Variants in PARP2 observed in about 807,000 individuals in gnomAD.
PARP2 encodes the protein poly [ADP-ribose] polymerase 2.
In PARP2, 57 loss-of-function variants were observed where a neutral mutation model predicts 77.8. The observed-to-expected ratio is 0.73, with a 90% CI of 0.59 to 0.91. PARP2 has a LOEUF of 0.91. Among genes scored for constraint, PARP2 ranks in the 40% least tolerant of loss-of-function variants. The pLI is 0.00. For synonymous variants in PARP2, 226 were observed against 242.6 expected (o/e 0.93, Z 0.64); for missense variants, 651 against 689.0 (o/e 0.94, Z 0.62).
chr14:20,356,028 C>T lies in PARP2; in HGVS notation c.1098C>T (p.Phe366=). ...LRPLDHESYE[F]KVISQYLQST... ...CCCTTGACCATGAAAGTTATGAGTT[C>T]AAAGTAAGAAAAATGATCATTTATT... Residue 366 remains phenylalanine (F), a synonymous_variant, in exon 11 of 16, where the codon TTC becomes TTT. Transcript: ENST00000429687. 1 of 1,612,942 alleles carries T rather than the reference C, an allele frequency of 6.2e-7. No individual in the cohort carries two copies. Among genetic ancestry groups the T allele is most frequent in the Non-Finnish European group, 8.5e-7 (1 of 1,179,626 alleles).
chr14:20,350,479 C>G (rs762213381), intron 4 of PARP2, 47 bp from the exon 5 acceptor site: 13 of 980,936 alleles, frequency 1.3e-5, no homozygotes, highest in Non-Finnish European at 2.1e-5. Context: ...TATGTGATTT[C>G]CATTTGCAAA....
chr14:20,355,710 A>G lies in PARP2; in HGVS notation c.903-42A>G, dbSNP rs372446856. 3.3e-4 allele frequency: 492 copies of G among 1,508,212 alleles called. 3 individuals carry two copies. The highest frequency in any genetic ancestry group is 6.7e-4 in the South Asian group (59 of 88,632). 93.4% of individuals were successfully genotyped at this position (1,508,212 alleles called of 1,614,324 possible). On this transcript the variant is annotated intron_variant, in intron 9 of 15. Transcript: ENST00000429687. The stretch of plus-strand genomic sequence containing the variant: ...ATTTTTAGTCATGCGCCTTTTAGCC[A>G]CATGTCAGAAAGCTCATTATGGGTT...
intron 4 of PARP2, among the ~76,000 whole-genome samples, chr14:20,347,264 T>TC (rs1883760871): frequency 1.4e-5 from 2 of 145,602 alleles, no homozygotes; most frequent in South Asian, 4.4e-4. Context: ...ACTCGTGACT[T>TC]CAAGTGATCC....
intron 7 of PARP2, 173 bp downstream of exon 7, chr14:20,352,520 C>T (rs1883994529): frequency 2.2e-6 from 1 of 451,570 alleles, no homozygotes; most frequent in East Asian, 3.5e-5. Context: ...GTATCAGGAA[C>T]TACAGGCACG....
intron 9 of PARP2, 142 bp downstream of exon 9, chr14:20,355,089 A>G: frequency 4.1e-6 from 3 of 737,976 alleles, no homozygotes; most frequent in Non-Finnish European, 6.6e-6. Context: ...AATGATATAT[A>G]GGTAGCCTAT....
In PARP2 at chr14:20,354,226, A is replaced by G; in HGVS notation, c.742A>G (p.Asn248Asp). ...AGAAATGATGATGGAAATGAAGTATAATACCAAGAAAGCCCCACTTGGTAG... is the reference window on the plus strand; with the variant it reads ...AGAAATGATGATGGAAATGAAGTATGATACCAAGAAAGCCCCACTTGGTAG... Reference protein sequence around the residue: ...MEEMMMEMKYNTKKAPLGKLT... With the variant: ...MEEMMMEMKYDTKKAPLGKLT... Residue 248 changes from asparagine (N) to aspartate (D), a missense_variant, in exon 8 of 16, where the codon AAT becomes GAT. Asn to Asp is a conservative substitution (Grantham distance 23, BLOSUM62 1). Coordinates refer to ENST00000429687, the MANE Select transcript of PARP2 (RefSeq NM_001042618.2). 1 of 1,613,484 alleles carries G rather than the reference A, an allele frequency of 6.2e-7. No individual in the cohort carries two copies. Among genetic ancestry groups the G allele is most frequent in the South Asian group, 1.1e-5 (1 of 90,890 alleles).
At chr14:20,344,796 G>A in intron 1 of PARP2, 136 bp from the exon 2 acceptor site, 1 of 649,656 alleles carries the variant, frequency 1.5e-6, no homozygotes, top group Non-Finnish European at 2.7e-6. Flanking sequence ...CTGGGCGAGA[G>A]AGTGAGACTC....
Position 20,352,432 on chromosome 14 carries a change from G to A in PARP2, c.600+85G>A. 5 of 781,374 alleles carry A rather than the reference G, an allele frequency of 6.4e-6. No individual in the cohort carries two copies. The South Asian group carries it at 8.9e-5, about 14-fold the overall frequency. 48.4% of individuals were successfully genotyped at this position (781,374 alleles called of 1,614,324 possible). On this transcript the variant is annotated intron_variant, in intron 7 of 15. Coordinates refer to ENST00000429687, the MANE Select transcript of PARP2 (RefSeq NM_001042618.2). ...AGGCAAAACTGTGCTCTGTTGCCCA[G>A]GCTGGGTGGCACAATCATGGCTCAC...
At chr14:20,353,467 TCTC>T (rs1218597628) in intron 7 of PARP2, among the ~76,000 whole-genome samples, 1 of 151,910 alleles carries the variant, frequency 6.6e-6, no homozygotes, top group Non-Finnish European at 1.5e-5. Flanking sequence ...ATGGTCTCGA[TCTC>T]CTGACATCAT....
intron 7 of PARP2, chr14:20,352,558 C>CATTTTTTTTTT: frequency 4.7e-6 from 1 of 214,140 alleles, no homozygotes; most frequent in African/African-American, 3.0e-5. Context: ...GATTTTTTTT[C>CATTTTTTTTTT]TTTTTTTTTT....
At chr14:20,348,090 T>G (rs1883834128) in intron 4 of PARP2, among the ~76,000 whole-genome samples, 1 of 152,196 alleles carries the variant, frequency 6.6e-6, no homozygotes, top group Admixed American at 6.5e-5. Context: ...GGATAGGTGG[T>G]CTTGAATTCT....
intron 8 of PARP2, 87 bp from the exon 9 acceptor site, chr14:20,354,715 TTGAAAGA>T: frequency 2.4e-6 from 3 of 1,269,568 alleles, no homozygotes; most frequent in Non-Finnish European, 2.2e-6. Flanking sequence ...AAAAAAAAAG[TTGAAAGA>T]TGAAAGTCTT....
rs1291663709 is a variant in PARP2, at chr14:20,351,046, G to T, written c.422-1G>T. On this transcript the variant is annotated splice_acceptor_variant, in intron 5 of 15. Coordinates refer to ENST00000429687, the MANE Select transcript of PARP2 (RefSeq NM_001042618.2). LOFTEE classifies it high-confidence loss of function. ...TCTTATGTGTGGCATTTCCTTTGCA[G>T]TTGGGAAAATGGGACAGCACAGCCT... 6.2e-7 allele frequency: 1 copy of T among 1,613,358 alleles called. No homozygotes were observed. The highest frequency in any genetic ancestry group is 8.5e-7 in the Non-Finnish European group (1 of 1,179,340).
chr14:20,356,948 T>A lies in PARP2; in HGVS notation c.1330-103T>A, dbSNP rs911856843. ...TTGTGAGGGGAAATGGAGAAGGGTC[T>A]ATATTGTGTTTAAGGGAATGGAAAA... On this transcript the variant is annotated intron_variant, in intron 13 of 15. Coordinates refer to ENST00000429687, the MANE Select transcript of PARP2 (RefSeq NM_001042618.2). 21 of 806,450 alleles carry A rather than the reference T, an allele frequency of 2.6e-5. No individual in the cohort carries two copies. The African/African-American group carries it at 3.2e-4, about 12-fold the overall frequency. 50.0% of individuals were successfully genotyped at this position (806,450 alleles called of 1,614,324 possible).
intron 5 of PARP2, 116 bp from the exon 6 acceptor site, chr14:20,350,930 CT>C: frequency 1.3e-6 from 1 of 764,460 alleles, no homozygotes; most frequent in East Asian, 2.6e-5. Context: ...TCCCTAAATC[CT>C]TTCACCTTTC....
Position 20,345,420 on chromosome 14 carries a change from G to A in PARP2, c.229G>A (p.Gly77Ser), listed in dbSNP as rs200569736. The A allele has an allele frequency of 1.2e-6, 2 of 1,613,934 alleles. No homozygotes were observed. The highest frequency in any genetic ancestry group is 1.7e-6 in the Non-Finnish European group (2 of 1,179,874). ...DESVKALLLKGKAPVDPECTA... is the reference protein window; with the variant it reads ...DESVKALLLKSKAPVDPECTA... ...ATCTGTGAAGGCCTTGCTGTTAAAG[G>A]GCAAAGCTCCTGTGGACCCAGAGTG... The change falls in exon 3 of 16, where the codon GGC becomes AGC. Residue 77 changes from glycine (G) to serine (S), a missense_variant. Transcript: ENST00000429687.
chr14:20,354,147 A>G lies in PARP2; in HGVS notation c.663A>G (p.Leu221=), dbSNP rs756852154. ...CTCCCTTGAAGCCAGAGTCACAGCT[A>G]GATCTTCGGGTACAGGAGTTAATAA... ...LKSPLKPESQ[L]DLRVQELIKL... The change falls in exon 8 of 16, where the codon CTA becomes CTG. Residue 221 remains leucine (L), a synonymous_variant. Coordinates refer to ENST00000429687, the MANE Select transcript of PARP2 (RefSeq NM_001042618.2). 10 of 1,612,176 alleles carry G rather than the reference A, an allele frequency of 6.2e-6. No homozygotes were observed. Among genetic ancestry groups the G allele is most frequent in the Non-Finnish European group, 8.5e-6 (10 of 1,178,294 alleles).
chr14:20,357,657 T>C lies in PARP2; in HGVS notation c.1573T>C (p.Leu525=). The change falls in exon 16 of 16, where the codon TTA becomes CTA. Residue 525 remains leucine (L), a synonymous_variant. Transcript: ENST00000429687. ...FVTLNGSTVP[L]GPASDTGILN... is the part of the protein sequence containing the mutation. Reference sequence around the variant, plus strand: ...TGGCAGGAATGGGAGTACAGTGCCATTAGGACCAGCAAGTGACACAGGAAT... The same window carrying C: ...TGGCAGGAATGGGAGTACAGTGCCACTAGGACCAGCAAGTGACACAGGAAT... 2 of 1,613,644 alleles carry C rather than the reference T, an allele frequency of 1.2e-6. No homozygotes were observed. The highest frequency in any genetic ancestry group is 2.2e-5 in the South Asian group (2 of 90,930).
In PARP2 at chr14:20,355,785, G is replaced by C. The variant is rs775098690; in HGVS notation, c.936G>C (p.Lys312Asn). ...CTCCTCCACTAATCCGGACACAGAAGGAACTGTCAGAAAAAATACAATTAC... is the reference window on the plus strand; with the variant it reads ...CTCCTCCACTAATCCGGACACAGAACGAACTGTCAGAAAAAATACAATTAC... Reference protein sequence around the residue: ...LRTPPLIRTQKELSEKIQLLE... With the variant: ...LRTPPLIRTQNELSEKIQLLE... Residue 312 changes from lysine (K) to asparagine (N), a missense_variant, in exon 10 of 16, where the codon AAG (lysine) becomes AAC (asparagine). Lys to Asn is a moderately conservative substitution (Grantham distance 94, BLOSUM62 0). Transcript: ENST00000429687. 3 of 1,613,686 alleles carry C rather than the reference G, an allele frequency of 1.9e-6. No homozygotes were observed. The highest frequency in any genetic ancestry group is 3.3e-5 in the Admixed American group (2 of 60,008).
Sources: gnomAD v4.1 joint callset for allele counts (sites outside exome capture counted in the v4.1 genomes callset) on GRCh38, gnomAD v4.1.1 for gene constraint, MANE v1.5 for transcripts, NCBI Gene and HGNC (gene_info 2026-07-23, HGNC 2026-07-21) for gene names.